Variants in STK24 observed in about 807,000 individuals in gnomAD.
The protein encoded by STK24 is serine/threonine-protein kinase 24.
STK24 carries 21 observed loss-of-function variants against 55.6 expected under a neutral mutation model. The observed-to-expected ratio is 0.38, with a 90% CI of 0.27 to 0.54. STK24 has a LOEUF of 0.54. STK24 is among the 20% of genes least tolerant of loss of function. The pLI, the probability that STK24 is intolerant of heterozygous loss-of-function variation, is 0.79. For synonymous variants in STK24, 200 were observed against 215.2 expected, an observed-to-expected ratio of 0.93 and a Z score of 0.62; for missense variants, 383 against 538.4, an observed-to-expected ratio of 0.71 and a Z score of 2.86.
At chr13:98,543,063 G>C (rs1896931708) in intron 1 of STK24, 4 of 981,932 alleles carry the variant, frequency 4.1e-6, no homozygotes, top group African/African-American at 3.5e-5. Flanking sequence ...TGCCAGCAAA[G>C]GCCAAGGGAG....
intron 1 of STK24, among the ~76,000 whole-genome samples, chr13:98,564,674 G>A (rs1897519904): frequency 6.6e-6 from 1 of 152,164 alleles, no homozygotes; most frequent in Non-Finnish European, 1.5e-5. Flanking sequence ...CAGGTTCAGA[G>A]CATTTGTTCT....
At chr13:98,505,964 A>G (rs1003137085) in intron 2 of STK24, among the ~76,000 whole-genome samples, 3 of 152,236 alleles carry the variant, frequency 2.0e-5, no homozygotes, top group Non-Finnish European at 4.4e-5. Flanking sequence ...TCTTTTCATG[A>G]AGAGTTTTCT....
In STK24 at chr13:98,475,326, G is replaced by A. The variant is rs187296189; in HGVS notation, c.363C>T (p.Ile121=). 1.1e-5 allele frequency: 17 copies of A among 1,612,710 alleles called. No homozygotes were observed. The highest frequency in any genetic ancestry group is 8.9e-5 in the East Asian group (4 of 44,862). The change falls in exon 4 of 11, where the codon ATC becomes ATT. Residue 121 remains isoleucine, a synonymous_variant. Coordinates refer to ENST00000539966, the MANE Select transcript of STK24 (RefSeq NM_001032296.4). Reference sequence around the variant, plus strand: ...TCAGTATTTCTCTTAATATAGTAGCGATCTGGGTTTCATCTAATGGGCCAG... The same window carrying A: ...TCAGTATTTCTCTTAATATAGTAGCAATCTGGGTTTCATCTAATGGGCCAG... ...LEPGPLDETQ[I]ATILREILKG...
chr13:98,460,558 G>A, intron 8 of STK24, 118 bp from the exon 9 acceptor site: 1 of 763,084 alleles, frequency 1.3e-6, no homozygotes, highest in Non-Finnish European at 2.2e-6. Flanking sequence ...ACTTCACGCT[G>A]AGGAAACACC....
intron 2 of STK24, among the ~76,000 whole-genome samples, chr13:98,509,526 T>C (rs1318288335): frequency 6.6e-6 from 1 of 152,110 alleles, no homozygotes; most frequent in Admixed American, 6.5e-5. Context: ...AGGTTAAACA[T>C]AAAATTTGTA....
chr13:98,459,584 G>A (rs1277139189), intron 9 of STK24, among the ~76,000 whole-genome samples: 1 of 152,252 alleles, frequency 6.6e-6, no homozygotes, highest in African/African-American at 2.4e-5. Context: ...CAGGGGAGGA[G>A]AATGAGCTCC....
chr13:98,465,692 G>C (rs1406863136), intron 6 of STK24, among the ~76,000 whole-genome samples: 3 of 152,242 alleles, frequency 2.0e-5, no homozygotes, highest in African/African-American at 7.2e-5. Context: ...TTACATAAGA[G>C]TTAAGAAAAG....
chr13:98,526,452 C>A (rs1896432658), intron 1 of STK24, among the ~76,000 whole-genome samples: 1 of 152,144 alleles, frequency 6.6e-6, no homozygotes, highest in Admixed American at 6.5e-5. Flanking sequence ...CCTCATTTTA[C>A]AGATGAGCAA....
At chr13:98,460,713 G>A (rs1227588326) in intron 8 of STK24, among the ~76,000 whole-genome samples, 3 of 152,114 alleles carry the variant, frequency 2.0e-5, no homozygotes, top group African/African-American at 7.2e-5. Context: ...GTGGGCACAG[G>A]CGGTGAACTG....
At chr13:98,542,080 G>A (rs780186691) in intron 1 of STK24, among the ~76,000 whole-genome samples, 9 of 152,174 alleles carry the variant, frequency 5.9e-5, no homozygotes, top group Non-Finnish European at 1.3e-4. Context: ...ACCATGGGCC[G>A]TTTATAACTC....
At chr13:98,549,830 C>A (rs951742066) in intron 1 of STK24, among the ~76,000 whole-genome samples, 2 of 152,186 alleles carry the variant, frequency 1.3e-5, no homozygotes, top group African/African-American at 4.8e-5. Context: ...CAGCTAATCA[C>A]CTAATCACCT....
intron 5 of STK24, among the ~76,000 whole-genome samples, chr13:98,471,678 C>A (rs150618960): frequency 0.015 from 2,325 of 152,294 alleles, 33 homozygotes; most frequent in South Asian, 0.081. Flanking sequence ...GATAAGGGGG[C>A]ACAGCTACTG....
At chr13:98,457,077 G>A (rs1323914008) in intron 10 of STK24, 91 bp downstream of exon 10, 213 of 1,478,550 alleles carry the variant, frequency 1.4e-4, no homozygotes, top group Non-Finnish European at 1.8e-4. Flanking sequence ...GGAACAGACA[G>A]GCCAAGAATC....
intron 1 of STK24, among the ~76,000 whole-genome samples, chr13:98,532,334 C>A (rs1431186116): frequency 6.6e-6 from 1 of 152,110 alleles, no homozygotes; most frequent in African/African-American, 2.4e-5. Context: ...GAGAGGGCAA[C>A]CCCTCCCCAC....
At chr13:98,543,373 C>CA (rs1896940517) in intron 1 of STK24, among the ~76,000 whole-genome samples, 1 of 152,120 alleles carries the variant, frequency 6.6e-6, no homozygotes, top group Non-Finnish European at 1.5e-5. Flanking sequence ...AAGCACCAAG[C>CA]AAAAAAGGTC....
intron 1 of STK24, among the ~76,000 whole-genome samples, chr13:98,529,048 C>T (rs1163703214): frequency 6.6e-6 from 1 of 152,148 alleles, no homozygotes; most frequent in Non-Finnish European, 1.5e-5. Flanking sequence ...CCAGTCACCA[C>T]CGATTTGGCC....
chr13:98,480,304 T>C (rs1894534826), intron 3 of STK24, among the ~76,000 whole-genome samples: 1 of 152,212 alleles, frequency 6.6e-6, no homozygotes, highest in African/African-American at 2.4e-5. Flanking sequence ...ATTCCTGGAA[T>C]TGCTCTTCTG....
intron 1 of STK24, among the ~76,000 whole-genome samples, chr13:98,543,220 G>C (rs1896936951): frequency 6.6e-6 from 1 of 152,218 alleles, no homozygotes; most frequent in East Asian, 1.9e-4. Context: ...ACACTTGAAG[G>C]GCAAACCAAA....
Position 98,486,437 on chromosome 13 carries a change from G to C in STK24, c.274-4116C>G, listed in dbSNP as rs138301994. On this transcript the variant is annotated intron_variant, in intron 2 of 10. Coordinates refer to ENST00000539966, the MANE Select transcript of STK24 (RefSeq NM_001032296.4). ...TCCTAAGGAAGAAACCTTCAAAGGT[G>C]AACACACGGATAAGCTTGGGAAAGC... Among the ~76,000 whole-genome samples, 121 of 152,326 alleles carry C rather than the reference G, an allele frequency of 7.9e-4. 3 individuals are homozygous for C. The highest frequency in any genetic ancestry group is 7.2e-4 in the Non-Finnish European group (49 of 68,040).
Sources: gnomAD v4.1 joint callset for allele counts (sites outside exome capture counted in the v4.1 genomes callset) on GRCh38, gnomAD v4.1.1 for gene constraint, MANE v1.5 for transcripts, NCBI Gene and HGNC (gene_info 2026-07-23, HGNC 2026-07-21) for gene names.